The following NUFIP2 variants were observed in gnomAD, a reference collection of about 807,000 sequenced individuals.
NUFIP2 encodes nuclear FMR1 interacting protein 2.
In NUFIP2, 6 loss-of-function variants were observed where a neutral mutation model predicts 56.9. The observed-to-expected ratio is 0.11, with a 90% CI of 0.06 to 0.21. The LOEUF (loss-of-function observed/expected upper bound fraction) is 0.21, where lower values mean the gene tolerates loss of function less well. Among genes scored for constraint, NUFIP2 ranks in the 10% least tolerant of loss-of-function variants. The probability of loss-of-function intolerance (pLI) is 1.00; values close to 1 mark genes in which losing one functional copy is unlikely to be tolerated. For missense variants in NUFIP2, 828 were observed against 826.8 expected (o/e 1.00, Z -0.02); for synonymous variants, 321 against 298.2 (o/e 1.08, Z -0.79).
chr17:29,278,707 G>A (rs936955135), intron 2 of NUFIP2, among the ~76,000 whole-genome samples: 4 of 152,158 alleles, frequency 2.6e-5, no homozygotes, highest in Admixed American at 6.6e-5. Flanking sequence ...TTACAGCATA[G>A]ATGGTTATTT....
In NUFIP2 at chr17:29,256,921, G is replaced by A. The variant is rs995245591; in HGVS notation, c.*7618C>T. ...TTCTAATCTCAAGCCAGTCAATTCAGTAAACCAAATTTATGCTAAAGCAAT... is the reference window on the plus strand; with the variant it reads ...TTCTAATCTCAAGCCAGTCAATTCAATAAACCAAATTTATGCTAAAGCAAT... On this transcript the variant is annotated 3_prime_UTR_variant, in exon 4 of 4. Transcript: ENST00000225388. 4 of 152,262 alleles carry A rather than the reference G, an allele frequency of 2.6e-5. No homozygotes were observed. The highest frequency in any genetic ancestry group is 5.9e-5 in the Non-Finnish European group (4 of 68,002). 9.4% of individuals were successfully genotyped at this position (152,262 alleles called of 1,614,324 possible). A position where few individuals can be genotyped will look rare whatever the true frequency, so the allele number is the denominator to read the frequency against.
rs187136432 is a variant in NUFIP2 at position 29,285,659 on chromosome 17, A to G, written c.2002+333T>C. Among the ~76,000 whole-genome samples, 268 of 152,318 alleles carry G rather than the reference A, an allele frequency of 1.8e-3. 2 individuals carry two copies. Among genetic ancestry groups the G allele is most frequent in the African/African-American group, 6.0e-3 (250 of 41,586 alleles). On this transcript the variant is annotated intron_variant, in intron 2 of 3. Coordinates refer to ENST00000225388, the MANE Select transcript of NUFIP2 (RefSeq NM_020772.3). Reference sequence around the variant, plus strand: ...AGCCACGGAAGGAGAACATATGTTCAATAAAATTTTTTTTCAAGCACTCAG... The same window carrying G: ...AGCCACGGAAGGAGAACATATGTTCGATAAAATTTTTTTTCAAGCACTCAG...
intron 2 of NUFIP2, among the ~76,000 whole-genome samples, chr17:29,272,438 CA>C (rs2069080719): frequency 6.6e-6 from 1 of 152,004 alleles, no homozygotes; most frequent in Non-Finnish European, 1.5e-5. Flanking sequence ...GACGGGGTTT[CA>C]CCGTGTTAGC....
At position 29,286,732 on chromosome 17, in the gene NUFIP2, G is replaced by C. The variant is rs767980102; in HGVS notation, c.1262C>G (p.Ala421Gly). The change falls in exon 2 of 4, where the codon GCA becomes GGA. Residue 421 changes from alanine (A) to glycine (G), a missense_variant. Ala to Gly is a moderately conservative substitution (Grantham distance 60). Transcript: ENST00000225388. ...AGGATAAACATTTCCATCAGTCCCTGCTAAAACAGGCCCATTAGAAAAGTT... is the reference window on the plus strand; with the variant it reads ...AGGATAAACATTTCCATCAGTCCCTCCTAAAACAGGCCCATTAGAAAAGTT... ...SANFSNGPVL[A>G]GTDGNVYPPG... 2.5e-6 allele frequency: 4 copies of C among 1,614,060 alleles called. No homozygotes were observed. In the Admixed American group the frequency reaches 6.7e-5, roughly 27 times the overall value.
chr17:29,286,876 G>A lies in NUFIP2; in HGVS notation c.1118C>T (p.Ser373Phe). The A allele has an allele frequency of 6.2e-6, 10 of 1,614,192 alleles. No homozygotes were observed. Among genetic ancestry groups the A allele is most frequent in the Non-Finnish European group, 8.5e-6 (10 of 1,180,028 alleles). ...KENLNKTIQNSSVSPTSSSSS... is the reference protein window; with the variant it reads ...KENLNKTIQNFSVSPTSSSSS... Reference sequence around the variant, plus strand: ...TGAAGATGAAGTTGGTGACACAGAAGAGTTCTGTATAGTTTTGTTGAGGTT... The same window carrying A: ...TGAAGATGAAGTTGGTGACACAGAAAAGTTCTGTATAGTTTTGTTGAGGTT... The change falls in exon 2 of 4, where the codon TCT (serine) becomes TTT (phenylalanine). Residue 373 changes from serine to phenylalanine, a missense_variant. This residue lies in a region of NUFIP2 where 404 missense variants were observed against 380.3 expected (regional missense o/e 1.06). Coordinates refer to ENST00000225388, the MANE Select transcript of NUFIP2 (RefSeq NM_020772.3).
intron 2 of NUFIP2, among the ~76,000 whole-genome samples, chr17:29,270,619 T>C (rs1237149340): frequency 2.0e-5 from 3 of 152,118 alleles, no homozygotes; most frequent in Non-Finnish European, 4.4e-5. Context: ...AAGAATTATG[T>C]ATATAGTAAT....
intron 1 of NUFIP2, among the ~76,000 whole-genome samples, chr17:29,290,347 T>C (rs1489348052): frequency 6.6e-6 from 1 of 152,018 alleles, no homozygotes; most frequent in Non-Finnish European, 1.5e-5. Flanking sequence ...TTAGGATGTT[T>C]TCTAAAAGCT....
In NUFIP2 at chr17:29,286,876, G is replaced by C. The variant is rs779106053; in HGVS notation, c.1118C>G (p.Ser373Cys). The change falls in exon 2 of 4, where the codon TCT (serine) becomes TGT (cysteine). Residue 373 changes from serine (S) to cysteine (C), a missense_variant. Physicochemically the swap from Ser to Cys is moderately radical, Grantham distance 112 (BLOSUM62 -1). This residue lies in a region of NUFIP2 where 404 missense variants were observed against 380.3 expected (regional missense o/e 1.06). Transcript: ENST00000225388. ...KENLNKTIQN[S>C]SVSPTSSSSS... is the part of the protein sequence containing the mutation. ...TGAAGATGAAGTTGGTGACACAGAA[G>C]AGTTCTGTATAGTTTTGTTGAGGTT... is the stretch of plus-strand genomic sequence containing the variant. 6 of 1,614,074 alleles carry C rather than the reference G, an allele frequency of 3.7e-6. No individual in the cohort carries two copies. Among genetic ancestry groups the C allele is most frequent in the Non-Finnish European group, 4.2e-6 (5 of 1,180,036 alleles).
At chr17:29,269,457 ATC>A (rs912288145) in intron 2 of NUFIP2, among the ~76,000 whole-genome samples, 2 of 152,234 alleles carry the variant, frequency 1.3e-5, no homozygotes, top group African/African-American at 4.8e-5. Context: ...TCACATTCCT[ATC>A]TCTCTCCCTA....
intron 2 of NUFIP2, among the ~76,000 whole-genome samples, chr17:29,272,055 A>C (rs2153011234): frequency 1.8e-5 from 2 of 109,580 alleles, no homozygotes. Flanking sequence ...CTTGGGCAAC[A>C]GAGTGAGACT....
In NUFIP2 at chr17:29,293,116, G is replaced by T. The variant is rs533540497; in HGVS notation, c.277+667C>A. 3.9e-3 allele frequency among the ~76,000 whole-genome samples: 592 copies of T among 151,706 alleles called. 9 individuals carry two copies. The highest frequency in any genetic ancestry group is 0.013 in the African/African-American group (556 of 41,406). On this transcript the variant is annotated intron_variant, in intron 1 of 3. Transcript: ENST00000225388. The stretch of plus-strand genomic sequence containing the variant: ...GAACATTCCAGCCGCGCCGGCTCTG[G>T]GGGGAGCGGGCGCGGGGCGCCGGCC...
At chr17:29,293,551 A>G (rs1008300307) in intron 1 of NUFIP2, among the ~76,000 whole-genome samples, 6 of 152,120 alleles carry the variant, frequency 3.9e-5, no homozygotes, top group African/African-American at 1.4e-4. Context: ...GGCCGGGGCC[A>G]GGAAGGTCAC....
At position 29,259,407 on chromosome 17, in the gene NUFIP2, C is replaced by A. The variant is rs1235587063; in HGVS notation, c.*5132G>T. On this transcript the variant is annotated 3_prime_UTR_variant, in exon 4 of 4. Transcript: ENST00000225388. The stretch of plus-strand genomic sequence containing the variant: ...GACCAGTCTGGTCAACATGGTGAAA[C>A]CCCGTCTCTACTAAGAATACAAATT... The A allele has an allele frequency of 2.6e-5, 4 of 151,974 alleles. No homozygotes were observed. The highest frequency in any genetic ancestry group is 1.9e-4 in the East Asian group (1 of 5,166). The allele number at this position is 151,974 out of a possible 1,614,324, so 9.4% of individuals were successfully genotyped here.
At chr17:29,267,362 C>G (rs1339152246) in intron 3 of NUFIP2, 136 bp downstream of exon 3, 1 of 565,820 alleles carries the variant, frequency 1.8e-6, no homozygotes, top group Non-Finnish European at 3.1e-6. Flanking sequence ...CTGCTAGTGC[C>G]TTTTGATTGC....
chr17:29,278,554 T>A (rs2153011802), intron 2 of NUFIP2, among the ~76,000 whole-genome samples: 1 of 152,070 alleles, frequency 6.6e-6, no homozygotes, highest in South Asian at 2.1e-4. Flanking sequence ...GCCCCCCATG[T>A]GCTTTATAAG....
At chr17:29,283,778 T>TA (rs923471022) in intron 2 of NUFIP2, among the ~76,000 whole-genome samples, 3 of 152,180 alleles carry the variant, frequency 2.0e-5, no homozygotes, top group African/African-American at 7.2e-5. Context: ...ACACATGTCT[T>TA]AAAAAACGAA....
At chr17:29,267,644 G>C (rs1294990794) in intron 2 of NUFIP2, 114 bp from the exon 3 acceptor site, 2 of 591,198 alleles carry the variant, frequency 3.4e-6, no homozygotes, top group African/African-American at 1.9e-5. Context: ...CTGGAGGTAG[G>C]GTTGAAAATG....
chr17:29,277,685 C>G (rs2069115782), intron 2 of NUFIP2, among the ~76,000 whole-genome samples: 1 of 152,098 alleles, frequency 6.6e-6, no homozygotes, highest in African/African-American at 2.4e-5. Flanking sequence ...TTCTACCACC[C>G]TTTTTCAGTT....
At chr17:29,280,905 A>G (rs1188165523) in intron 2 of NUFIP2, among the ~76,000 whole-genome samples, 1 of 94,124 alleles carries the variant, frequency 1.1e-5, no homozygotes, top group Non-Finnish European at 3.0e-5. Context: ...GAATCGCTTG[A>G]ACCCAGGAGG....
Sources: gnomAD v4.1 joint callset for allele counts (sites outside exome capture counted in the v4.1 genomes callset) on GRCh38, gnomAD v4.1.1 for gene constraint, gnomAD v4.1.1 regional missense constraint, MANE v1.5 for transcripts, NCBI Gene and HGNC (gene_info 2026-07-23, HGNC 2026-07-21) for gene names.